HDAC5: variants seen among roughly 807,000 people sequenced by gnomAD.
HDAC5 encodes antigen NY-CO-9.
Under a neutral mutation model 133.3 loss-of-function variants are expected in HDAC5, and 25 were observed. That is an observed-to-expected ratio of 0.19 (90% confidence interval 0.14 to 0.26). HDAC5 has a LOEUF of 0.26. HDAC5 is among the 10% of genes least tolerant of loss of function. The pLI is 1.00. For missense variants in HDAC5, 1,041 were observed against 1,460.5 expected (o/e 0.71, Z 4.68); for synonymous variants, 589 against 610.8 (o/e 0.96, Z 0.53).
intron 3 of HDAC5, among the ~76,000 whole-genome samples, chr17:44,096,727 C>T (rs1045284293): frequency 1.3e-5 from 2 of 151,870 alleles, no homozygotes; most frequent in Non-Finnish European, 1.5e-5. Context: ...CCGCTCGCCT[C>T]GGCCTCCCAA....
intron 3 of HDAC5, among the ~76,000 whole-genome samples, chr17:44,094,333 A>G: frequency 6.6e-6 from 1 of 151,374 alleles, no homozygotes; most frequent in South Asian, 2.1e-4. Flanking sequence ...AGAAAAAAAA[A>G]AAACAAAAAA....
intron 11 of HDAC5, among the ~76,000 whole-genome samples, chr17:44,089,079 T>G (rs1221864752): frequency 1.3e-5 from 2 of 152,142 alleles, no homozygotes; most frequent in Non-Finnish European, 2.9e-5. Context: ...TCTAAAGTTG[T>G]GCTGTCTAGT....
intron 11 of HDAC5, 100 bp downstream of exon 11, chr17:44,091,170 G>C: frequency 1.1e-6 from 1 of 890,378 alleles, no homozygotes. Context: ...CACTGATGCT[G>C]TTGATTCTGC....
chr17:44,117,598 C>CGATAACAG lies in HDAC5; in HGVS notation c.-91_-84dup. The CGATAACAG allele has an allele frequency of 1.3e-6, 2 of 1,508,842 alleles. No homozygotes were observed. Among genetic ancestry groups the CGATAACAG allele is most frequent in the South Asian group, 2.2e-5 (2 of 89,162 alleles). 93.5% of individuals were successfully genotyped at this position (1,508,842 alleles called of 1,614,324 possible). A position where few individuals can be genotyped will look rare whatever the true frequency, so the allele number is the denominator to read the frequency against. On this transcript the variant is annotated 5_prime_UTR_variant, in exon 2 of 27. An upstream open reading frame in the 5' UTR loses its in-frame stop. Coordinates refer to ENST00000682912, the MANE Select transcript of HDAC5 (RefSeq NM_005474.5). This position sits in a 1 kb window ranked among gnomAD's most constrained non-coding sequence, Gnocchi z 4.2. ...CTGCGGTGATGTCAAGAGAGACAGA[C>CGATAACAG]GATAACAGACAGACGGACGGGACGG...
chr17:44,108,179 G>A (rs912161582), intron 3 of HDAC5, among the ~76,000 whole-genome samples: 7 of 152,116 alleles, frequency 4.6e-5, no homozygotes, highest in South Asian at 2.1e-4. Flanking sequence ...GCTGAGATCC[G>A]CCCCACTCTT....
chr17:44,110,707 G>T, intron 3 of HDAC5, 22 bp downstream of exon 3: 1 of 1,601,784 alleles, frequency 6.2e-7, no homozygotes, highest in South Asian at 1.1e-5. Flanking sequence ...CAGAGGGCAG[G>T]CAGGGACATC....
intron 3 of HDAC5, among the ~76,000 whole-genome samples, chr17:44,099,297 C>G (rs1363532376): frequency 6.6e-6 from 1 of 151,912 alleles, no homozygotes; most frequent in Non-Finnish European, 1.5e-5. Flanking sequence ...CCCCCGCACC[C>G]AGCTCTATAC....
At chr17:44,096,115 CCCCAAGCCCAG>C (rs2051257766) in intron 3 of HDAC5, among the ~76,000 whole-genome samples, 1 of 152,140 alleles carries the variant, frequency 6.6e-6, no homozygotes, top group South Asian at 2.1e-4. Context: ...CAGCAGGGAG[CCCCAAGCCCAG>C]CCCAAGCCCC....
At chr17:44,110,676 A>AG in intron 3 of HDAC5, 53 bp downstream of exon 3, 1 of 1,442,648 alleles carries the variant, frequency 6.9e-7, no homozygotes, top group Non-Finnish European at 9.7e-7. Context: ...TGCTCAGCCC[A>AG]GGGACAAGGA....
rs957439639 is a variant in HDAC5, at chr17:44,077,667, T to G, written c.*709A>C. 6.6e-6 allele frequency: 1 copy of G among 152,222 alleles called. No individual in the cohort carries two copies. The highest frequency in any genetic ancestry group is 1.5e-5 in the Non-Finnish European group (1 of 68,090). 9.4% of individuals were successfully genotyped at this position (152,222 alleles called of 1,614,324 possible). On this transcript the variant is annotated 3_prime_UTR_variant, in exon 27 of 27. Transcript: ENST00000682912. ...GGCCCCTGAGAACCCAGGAAACCAGTCCTCTCCTTCCCCACACACTTTCAC... is the reference window on the plus strand; with the variant it reads ...GGCCCCTGAGAACCCAGGAAACCAGGCCTCTCCTTCCCCACACACTTTCAC...
chr17:44,080,841 A>G lies in HDAC5; in HGVS notation c.2649T>C (p.Asn883=). 1.2e-6 allele frequency: 2 copies of G among 1,614,190 alleles called. No individual in the cohort carries two copies. Among genetic ancestry groups the G allele is most frequent in the South Asian group, 1.1e-5 (1 of 91,084 alleles). The change falls in exon 21 of 27, where the codon AAT becomes AAC. Residue 883 remains asparagine (N), a synonymous_variant. Transcript: ENST00000682912. ...GAGAGATGTAGAGCACAGAGGGGTCATTGTAGAACGCCTGCTGGGTGCCAT... is the reference window on the plus strand; with the variant it reads ...GAGAGATGTAGAGCACAGAGGGGTCGTTGTAGAACGCCTGCTGGGTGCCAT... ...HGNGTQQAFY[N]DPSVLYISLH...
intron 13 of HDAC5, 86 bp downstream of exon 13, chr17:44,087,326 G>A (rs1012261254): frequency 4.4e-6 from 3 of 687,710 alleles, no homozygotes; most frequent in East Asian, 2.5e-5. Context: ...CTGCAGATGG[G>A]GGAGAGGGAA....
At chr17:44,111,322 G>A (rs2052329662) in intron 2 of HDAC5, 1 of 330,436 alleles carries the variant, frequency 3.0e-6, no homozygotes. Context: ...GGGAGCTGCG[G>A]GCGGGCTGCC....
chr17:44,080,566 AC>A (rs2050343779), intron 21 of HDAC5, 68 bp from the exon 22 acceptor site: 1 of 1,538,720 alleles, frequency 6.5e-7, no homozygotes, highest in Non-Finnish European at 9.0e-7. Flanking sequence ...CCCTGCCCTC[AC>A]CCCTGCCTCC....
rs2052742659 is a variant in HDAC5, at chr17:44,117,855, T to C, written c.-189-151A>G. On this transcript the variant is annotated intron_variant, in intron 1 of 26. Transcript: ENST00000682912. This position sits in a 1 kb window ranked among gnomAD's most constrained non-coding sequence, Gnocchi z 4.2. ...CACAGGAGAAATCTGCAGAACTGGA[T>C]AGACCCTGGTTTCTTATCTTACTAA... is the stretch of plus-strand genomic sequence containing the variant. Among the ~76,000 whole-genome samples the C allele has an allele frequency of 1.3e-5, 2 of 152,272 alleles. No individual in the cohort carries two copies. Among genetic ancestry groups the C allele is most frequent in the South Asian group, 4.1e-4 (2 of 4,828 alleles).
rs754048509 is a variant in HDAC5 at position 44,110,727 on chromosome 17, A to G, written c.94+2T>C. 1 of 1,612,886 alleles carries G rather than the reference A, an allele frequency of 6.2e-7. No homozygotes were observed. The highest frequency in any genetic ancestry group is 2.2e-5 in the East Asian group (1 of 44,886). ...GGCAGGCAGGGACATCAAGGCACTT[A>G]CCTGTCACAGGGATGCTGTGCAGAG... On this transcript the variant is annotated splice_donor_variant, in intron 3 of 26. Transcript: ENST00000682912. LOFTEE classifies it high-confidence loss of function.
intron 9 of HDAC5, 149 bp downstream of exon 9, chr17:44,092,023 G>A (rs1466790680): frequency 2.2e-6 from 2 of 927,056 alleles, no homozygotes; most frequent in East Asian, 5.3e-5. Flanking sequence ...ATGCAATTAA[G>A]TCCAAGCAAG....
intron 1 of HDAC5, among the ~76,000 whole-genome samples, chr17:44,121,101 GAAA>G (rs35741759): frequency 4.6e-5 from 4 of 87,846 alleles, no homozygotes; most frequent in South Asian, 4.1e-4. Context: ...GCTATTTCTA[GAAA>G]AAAAAAAAAA....
rs2053142244 is a variant in HDAC5 at position 44,123,522 on chromosome 17, C to T, written c.-208G>A. The T allele has an allele frequency of 2.5e-6, 1 of 393,688 alleles. No homozygotes were observed. The highest frequency in any genetic ancestry group is 4.5e-6 in the Non-Finnish European group (1 of 224,068). 24.4% of individuals were successfully genotyped at this position (393,688 alleles called of 1,614,324 possible). ...CGCTCACCCGCTGCGGCTCGAGCTCCGGCTTCGCGGGCGGCGGCGGCAGCA... is the reference window on the plus strand; with the variant it reads ...CGCTCACCCGCTGCGGCTCGAGCTCTGGCTTCGCGGGCGGCGGCGGCAGCA... On this transcript the variant is annotated 5_prime_UTR_variant, in exon 1 of 27. Coordinates refer to ENST00000682912, the MANE Select transcript of HDAC5 (RefSeq NM_005474.5).
Sources: allele counts gnomAD v4.1 joint callset (sites outside exome capture counted in the v4.1 genomes callset), GRCh38; gene constraint gnomAD v4.1.1; non-coding constraint Gnocchi (gnomAD v3.1); transcripts MANE v1.5; gene names NCBI Gene and HGNC (gene_info 2026-07-23, HGNC 2026-07-21).